Variants in GLUL observed in about 807,000 individuals in gnomAD.
GLUL encodes glutamate-ammonia ligase, also known as glutamine synthetase.
A neutral mutation model predicts 36.9 loss-of-function variants in GLUL; 8 were observed. The observed-to-expected ratio is 0.22, with a 90% confidence interval of 0.13 to 0.39. The LOEUF is 0.39. Ranked by LOEUF, GLUL falls within the 10% of genes least tolerant of loss-of-function variation. GLUL has a pLI of 1.00. For synonymous variants in GLUL, 182 were observed against 172.8 expected (o/e 1.05, Z -0.42); for missense variants, 315 against 501.8 (o/e 0.63, Z 3.56).
At position 182,379,846 on chromosome 1, in the gene GLUL, CTTTT is replaced by C. The variant is rs61272996; in HGVS notation, c.*4555_*4558del. Reference sequence around the variant, plus strand: ...CCACCATGCCCAGCCTCAGTTACAACTTTTTTTTTTTTTTTGAGATGGAGTTTCC... The same window carrying C: ...CCACCATGCCCAGCCTCAGTTACAACTTTTTTTTTTTGAGATGGAGTTTCC... On this transcript the variant is annotated 3_prime_UTR_variant, in exon 7 of 7. Coordinates refer to ENST00000331872, the MANE Select transcript of GLUL (RefSeq NM_001033044.4). Among the ~76,000 whole-genome samples, 1 of 138,294 alleles carries C rather than the reference CTTTT, an allele frequency of 7.2e-6. No individual in the cohort carries two copies. Among genetic ancestry groups the C allele is most frequent in the Non-Finnish European group, 1.5e-5 (1 of 64,526 alleles). 90.7% of individuals were successfully genotyped at this position (138,294 alleles called of 152,430 possible).
intron 4 of GLUL, 87 bp downstream of exon 4, chr1:182,386,169 C>G: frequency 1.5e-6 from 2 of 1,339,488 alleles, no homozygotes; most frequent in East Asian, 2.3e-5. Context: ...CTTCTTGATT[C>G]TGAAAGTCAT....
At chr1:182,384,886 A>T in intron 6 of GLUL, 163 bp from the exon 7 acceptor site, 1 of 666,694 alleles carries the variant, frequency 1.5e-6, no homozygotes, top group Non-Finnish European at 2.7e-6. Context: ...CCCGACAAGC[A>T]GTACAAAGTT....
At position 182,381,796 on chromosome 1, in the gene GLUL, A is replaced by C. The variant is rs971891161; in HGVS notation, c.*2609T>G. On this transcript the variant is annotated 3_prime_UTR_variant, in exon 7 of 7. Coordinates refer to ENST00000331872, the MANE Select transcript of GLUL (RefSeq NM_001033044.4). ...GGCCAAGCAAAGGGAAGACAACTTC[A>C]GTTGGGGGGGTGGAAGCACAGATTC... 1 of 152,234 alleles carries C rather than the reference A, an allele frequency of 6.6e-6. No homozygotes were observed. The highest frequency in any genetic ancestry group is 1.5e-5 in the Non-Finnish European group (1 of 68,084). 9.4% of individuals were successfully genotyped at this position (152,234 alleles called of 1,614,324 possible). A position where few individuals can be genotyped will look rare whatever the true frequency, so the allele number is the denominator to read the frequency against.
intron 2 of GLUL, among the ~76,000 whole-genome samples, 181 bp downstream of exon 2, chr1:182,388,391 C>T (rs1278893628): frequency 6.6e-6 from 1 of 152,154 alleles, no homozygotes; most frequent in Non-Finnish European, 1.5e-5. Context: ...GTTCCATCGT[C>T]GCTCTGCTTT....
chr1:182,388,422 T>A, intron 2 of GLUL, 150 bp downstream of exon 2: 3 of 727,654 alleles, frequency 4.1e-6, no homozygotes, highest in Non-Finnish European at 7.5e-6. Flanking sequence ...AGGAGCTTAA[T>A]GTTGACTGAA....
chr1:182,390,255 T>A, intron 1 of GLUL: 1 of 359,964 alleles, frequency 2.8e-6, no homozygotes. Context: ...ACAACCCAAT[T>A]TCTCGGCTGT....
chr1:182,387,299 C>CA lies in GLUL; in HGVS notation c.167-8dup. 4 of 1,607,624 alleles carry CA rather than the reference C, an allele frequency of 2.5e-6. No individual in the cohort carries two copies. The highest frequency in any genetic ancestry group is 3.4e-6 in the Non-Finnish European group (4 of 1,174,868). ...AAATTCCACTCAGGCAACTCTGGGG[C>CA]AAAAAGAGGGAAAATTACATTTAAA... is the stretch of plus-strand genomic sequence containing the variant. On this transcript the variant is annotated splice_polypyrimidine_tract_variant and splice_region_variant and intron_variant, in intron 2 of 6. Coordinates refer to ENST00000331872, the MANE Select transcript of GLUL (RefSeq NM_001033044.4).
At chr1:182,386,429 A>G (rs1558160950) in intron 3 of GLUL, 27 bp from the exon 4 acceptor site, 5 of 1,553,946 alleles carry the variant, frequency 3.2e-6, no homozygotes, top group Non-Finnish European at 4.4e-6. Flanking sequence ...ATAATACGCC[A>G]TCAGGGATCT....
intron 4 of GLUL, 106 bp from the exon 5 acceptor site, chr1:182,385,993 G>A (rs1178635072): frequency 5.1e-6 from 6 of 1,185,842 alleles, no homozygotes; most frequent in Non-Finnish European, 7.6e-6. Flanking sequence ...CACTATCCTT[G>A]CCTTCATCTG....
At chr1:182,391,254 C>A (rs1650405906) in intron 1 of GLUL, 2 of 398,898 alleles carry the variant, frequency 5.0e-6, no homozygotes, top group East Asian at 3.6e-5. Flanking sequence ...ACGAGGAAGG[C>A]AGCCAGGCGC....
chr1:182,391,321 C>A (rs1650408483), intron 1 of GLUL: 1 of 398,482 alleles, frequency 2.5e-6, no homozygotes, highest in African/African-American at 2.1e-5. Flanking sequence ...GCCACTCCAT[C>A]CACAGCGCAA....
chr1:182,390,057 T>C (rs186246084), intron 1 of GLUL: 1 of 152,798 alleles, frequency 6.5e-6, no homozygotes, highest in East Asian at 1.9e-4. Flanking sequence ...CTCCCGTCTC[T>C]ACTAAAAATA....
At chr1:182,390,251 C>A in intron 1 of GLUL, 1 of 349,486 alleles carries the variant, frequency 2.9e-6, no homozygotes, top group East Asian at 4.3e-5. Flanking sequence ...ACCTACAACC[C>A]AATTTCTCGG....
chr1:182,383,308 A>G lies in GLUL; in HGVS notation c.*1097T>C. 6.6e-6 allele frequency: 1 copy of G among 152,214 alleles called. No individual in the cohort carries two copies. The highest frequency in any genetic ancestry group is 1.5e-5 in the Non-Finnish European group (1 of 68,044). 9.4% of individuals were successfully genotyped at this position (152,214 alleles called of 1,614,324 possible). A position where few individuals can be genotyped will look rare whatever the true frequency, so the allele number is the denominator to read the frequency against. On this transcript the variant is annotated 3_prime_UTR_variant, in exon 7 of 7. Coordinates refer to ENST00000331872, the MANE Select transcript of GLUL (RefSeq NM_001033044.4). ...CTTCTATAATTTTGCTTTTTAAAAA[A>G]TTTAATATCAAAAGGCCTGCTTTAG...
In GLUL at chr1:182,384,459, G is replaced by A. The variant is rs1650081137; in HGVS notation, c.1068C>T (p.Ile356=). The change falls in exon 7 of 7, where the codon ATC becomes ATT. Residue 356 remains isoleucine, a synonymous_variant. Transcript: ENST00000331872. ...CGGTTTCATTGAGAAGACACGTGCG[G>A]ATGAGGGCTTCTGTCACCGAAAAGG... is the stretch of plus-strand genomic sequence containing the variant. ...CDPFSVTEAL[I]RTCLLNETGD... is the part of the protein sequence containing the mutation. The A allele has an allele frequency of 1.9e-6, 3 of 1,613,764 alleles. No homozygotes were observed. The African/African-American group carries it at 4.0e-5, about 22-fold the overall frequency.
At position 182,386,178 on chromosome 1, in the gene GLUL, A is replaced by G. The variant is rs181698648; in HGVS notation, c.475+78T>C. On this transcript the variant is annotated intron_variant, in intron 4 of 6. Transcript: ENST00000331872. The stretch of plus-strand genomic sequence containing the variant: ...ATTTTGCTTCTTGATTCTGAAAGTC[A>G]TTCCCATCCCTGGGAAGGGGCATTC... 1.7e-4 allele frequency: 242 copies of G among 1,384,252 alleles called. 1 individual carries two copies. Among genetic ancestry groups the G allele is most frequent in the Non-Finnish European group, 2.1e-4 (200 of 971,854 alleles). The allele number at this position is 1,384,252 out of a possible 1,614,324, so 85.7% of individuals were successfully genotyped here.
rs538839195 is a variant in GLUL, at chr1:182,380,460, T to TA, written c.*3944dup. On this transcript the variant is annotated 3_prime_UTR_variant, in exon 7 of 7. Transcript: ENST00000331872. ...TAGCTGAGACTACAGGCGTGCAATT[T>TA]AAAAAAAAATTATTTTGTGGAGTCT... Among the ~76,000 whole-genome samples the TA allele has an allele frequency of 1.1e-4, 16 of 151,726 alleles. No homozygotes were observed. Among genetic ancestry groups the TA allele is most frequent in the South Asian group, 2.1e-4 (1 of 4,796 alleles).
rs1649854634 is a variant in GLUL at position 182,379,619 on chromosome 1, GCTCACTGCAGCTTCAAGTAAT to G, written c.*4765_*4785del. On this transcript the variant is annotated 3_prime_UTR_variant, in exon 7 of 7. Transcript: ENST00000331872. ...ACTGGAGGGCAGTGGCACAACCATG[GCTCACTGCAGCTTCAAGTAAT>G]CTTCCCACCTCAGCCTCCCAGGTAG... Among the ~76,000 whole-genome samples, 1 of 151,936 alleles carries G rather than the reference GCTCACTGCAGCTTCAAGTAAT, an allele frequency of 6.6e-6. No individual in the cohort carries two copies. Among genetic ancestry groups the G allele is most frequent in the South Asian group, 2.1e-4 (1 of 4,818 alleles).
chr1:182,378,441 C>T lies in GLUL; in HGVS notation c.*5964G>A, dbSNP rs942419342. Among the ~76,000 whole-genome samples, 2 of 152,156 alleles carry T rather than the reference C, an allele frequency of 1.3e-5. No individual in the cohort carries two copies. Among genetic ancestry groups the T allele is most frequent in the Admixed American group, 6.6e-5 (1 of 15,262 alleles). ...TCAAATATTTATTAATTGACAGTGTCCGACAACCTCCTGTCCATAAAGCAT... is the reference window on the plus strand; with the variant it reads ...TCAAATATTTATTAATTGACAGTGTTCGACAACCTCCTGTCCATAAAGCAT... On this transcript the variant is annotated 3_prime_UTR_variant, in exon 7 of 7. Coordinates refer to ENST00000331872, the MANE Select transcript of GLUL (RefSeq NM_001033044.4).
Sources: gnomAD v4.1 joint callset for allele counts (sites outside exome capture counted in the v4.1 genomes callset) on GRCh38, gnomAD v4.1.1 for gene constraint, MANE v1.5 for transcripts, NCBI Gene and HGNC (gene_info 2026-07-23, HGNC 2026-07-21) for gene names.